The following TMEM132B variants were observed in gnomAD, a reference collection of about 807,000 sequenced individuals.
The protein encoded by TMEM132B is transmembrane protein 132B.
Under a neutral mutation model 90.8 loss-of-function variants are expected in TMEM132B, and 18 were observed. That is an observed-to-expected ratio of 0.20 (90% CI 0.14 to 0.29). The LOEUF is 0.29. TMEM132B is among the 10% of genes least tolerant of loss of function. TMEM132B has a pLI of 1.00. For synonymous variants in TMEM132B, 504 were observed against 523.3 expected (o/e 0.96, Z 0.50); for missense variants, 1,096 against 1,326.8 (o/e 0.83, Z 2.70).
intron 1 of TMEM132B, among the ~76,000 whole-genome samples, chr12:125,237,040 A>C (rs1873952750): frequency 6.6e-6 from 1 of 152,218 alleles, no homozygotes; most frequent in African/African-American, 2.4e-5. Context: ...GAGTGTCCTA[A>C]AGAGGCATGA....
At chr12:125,568,499 C>T (rs1201984634) in intron 4 of TMEM132B, among the ~76,000 whole-genome samples, 1 of 152,160 alleles carries the variant, frequency 6.6e-6, no homozygotes, top group Non-Finnish European at 1.5e-5. Flanking sequence ...TCAAGGTCAG[C>T]CCTTATCAGC....
At chr12:125,190,605 GTGGTGATGGTGATAGTGA>G (rs1200491585) in intron 1 of TMEM132B, among the ~76,000 whole-genome samples, 5 of 115,352 alleles carry the variant, frequency 4.3e-5, no homozygotes, top group Non-Finnish European at 3.6e-5. Flanking sequence ...TGGGGAAGGG[GTGGTGATGGTGATAGTGA>G]TGGTGATGGT....
At chr12:125,351,184 T>C (rs1018819698) in intron 2 of TMEM132B, among the ~76,000 whole-genome samples, 1 of 152,234 alleles carries the variant, frequency 6.6e-6, no homozygotes, top group Non-Finnish European at 1.5e-5. Flanking sequence ...ATGTAGTCTC[T>C]CTGGTGATGT....
intron 3 of TMEM132B, among the ~76,000 whole-genome samples, chr12:125,518,202 C>T (rs1052017667): frequency 6.6e-6 from 1 of 152,184 alleles, no homozygotes; most frequent in Admixed American, 6.5e-5. Context: ...TTGGCATATA[C>T]AAGGAAGCAG....
At chr12:125,238,634 C>T (rs1297167431) in intron 1 of TMEM132B, among the ~76,000 whole-genome samples, 5 of 152,124 alleles carry the variant, frequency 3.3e-5, no homozygotes, top group South Asian at 4.2e-4. Flanking sequence ...CGGAAAGCTC[C>T]GAAGGCCAGA....
intron 3 of TMEM132B, among the ~76,000 whole-genome samples, chr12:125,475,559 A>G (rs995524440): frequency 1.3e-5 from 2 of 152,192 alleles, no homozygotes; most frequent in African/African-American, 4.8e-5. Flanking sequence ...GCAGAAGAAC[A>G]TGAAAAGGCT....
chr12:125,275,740 G>A (rs1205053828), intron 1 of TMEM132B, among the ~76,000 whole-genome samples: 1 of 152,072 alleles, frequency 6.6e-6, no homozygotes, highest in Non-Finnish European at 1.5e-5. Context: ...GGGAGACAGG[G>A]TCTCACTCTG....
intron 7 of TMEM132B, among the ~76,000 whole-genome samples, chr12:125,651,381 T>G (rs61940804): frequency 0.01 from 1,598 of 152,310 alleles, 14 homozygotes; most frequent in Non-Finnish European, 0.016. Context: ...TAGACAAAAG[T>G]TTTTAAAAAT....
intron 2 of TMEM132B, among the ~76,000 whole-genome samples, chr12:125,353,403 A>G (rs1041097088): frequency 2.0e-5 from 3 of 152,218 alleles, no homozygotes; most frequent in Admixed American, 6.5e-5. Flanking sequence ...TTGGATGGGA[A>G]GTTAGAGGAA....
intron 1 of TMEM132B, among the ~76,000 whole-genome samples, chr12:125,193,385 C>T (rs1275277879): frequency 6.6e-6 from 1 of 152,204 alleles, no homozygotes; most frequent in African/African-American, 2.4e-5. Flanking sequence ...TTTCCCTGCC[C>T]TCAGGCCTGG....
At chr12:125,200,344 G>A (rs1476074594) in intron 1 of TMEM132B, among the ~76,000 whole-genome samples, 1 of 152,188 alleles carries the variant, frequency 6.6e-6, no homozygotes, top group Non-Finnish European at 1.5e-5. Flanking sequence ...TTGGTTTGCT[G>A]TGTATTTTTT....
intron 1 of TMEM132B, chr12:125,301,308 A>C (rs1875817629): frequency 6.6e-6 from 1 of 152,206 alleles, no homozygotes; most frequent in Non-Finnish European, 1.5e-5. Flanking sequence ...TCAGGGCTGA[A>C]TTACTTTGCT....
chr12:125,531,983 C>T (rs1277118628), intron 4 of TMEM132B, among the ~76,000 whole-genome samples: 1 of 152,246 alleles, frequency 6.6e-6, no homozygotes, highest in Non-Finnish European at 1.5e-5. Context: ...ATTTAGTAAA[C>T]CCCTTGCCAC....
intron 5 of TMEM132B, among the ~76,000 whole-genome samples, chr12:125,643,091 C>G (rs1327577756): frequency 6.6e-6 from 1 of 152,084 alleles, no homozygotes; most frequent in Non-Finnish European, 1.5e-5. Flanking sequence ...GTCTGGGGCT[C>G]AGAAGGGAGG....
At chr12:125,235,590 A>C (rs1009246705) in intron 1 of TMEM132B, among the ~76,000 whole-genome samples, 1 of 152,108 alleles carries the variant, frequency 6.6e-6, no homozygotes, top group African/African-American at 2.4e-5. Flanking sequence ...CCCCAAAAGG[A>C]AACCCCATAC....
chr12:125,443,147 C>A (rs919720890), intron 3 of TMEM132B, among the ~76,000 whole-genome samples: 1 of 152,168 alleles, frequency 6.6e-6, no homozygotes. Context: ...GGTGATGCAG[C>A]CTGGGGTGCT....
chr12:125,287,076 C>T (rs941394829), intron 1 of TMEM132B, among the ~76,000 whole-genome samples: 5 of 150,676 alleles, frequency 3.3e-5, no homozygotes, highest in African/African-American at 9.8e-5. Flanking sequence ...TTCCTTCCTC[C>T]ATTGTTGAGG....
intron 5 of TMEM132B, among the ~76,000 whole-genome samples, chr12:125,624,959 C>G: frequency 6.6e-6 from 1 of 152,120 alleles, no homozygotes; most frequent in East Asian, 1.9e-4. Context: ...CACAGTAACC[C>G]GAAGAACAGT....
At chr12:125,426,232 G>T (rs528765045) in intron 3 of TMEM132B, among the ~76,000 whole-genome samples, 4 of 152,228 alleles carry the variant, frequency 2.6e-5, no homozygotes, top group Middle Eastern at 3.4e-3. Context: ...GCTTATTGCC[G>T]TCTATATATC....
Sources: gnomAD v4.1 joint callset for allele counts (sites outside exome capture counted in the v4.1 genomes callset) on GRCh38, gnomAD v4.1.1 for gene constraint, MANE v1.5 for transcripts, NCBI Gene and HGNC (gene_info 2026-07-23, HGNC 2026-07-21) for gene names.